Variants in CHCHD6 observed in about 807,000 individuals in gnomAD.
The protein encoded by CHCHD6 is MICOS complex subunit MIC25.
A neutral mutation model predicts 32.3 loss-of-function variants in CHCHD6; 28 were observed. The observed-to-expected ratio is 0.87, with a 90% CI of 0.64 to 1.19. CHCHD6 has a LOEUF of 1.19. Ranked by LOEUF, CHCHD6 falls within the 50% of genes most tolerant of loss-of-function variation. The pLI is 0.00. For synonymous variants in CHCHD6, 122 were observed against 117.5 expected, an observed-to-expected ratio of 1.04 and a Z score of -0.25; for missense variants, 333 against 307.0, an observed-to-expected ratio of 1.08 and a Z score of -0.63.
chr3:126,921,612 G>GGC (rs2078248668), intron 6 of CHCHD6, among the ~76,000 whole-genome samples: 2 of 152,146 alleles, frequency 1.3e-5, no homozygotes, highest in African/African-American at 4.8e-5. Flanking sequence ...CCTCAAAGAG[G>GGC]TTAGAACAAT....
At chr3:126,864,760 T>A (rs1206739822) in intron 5 of CHCHD6, among the ~76,000 whole-genome samples, 3 of 120,122 alleles carry the variant, frequency 2.5e-5, no homozygotes, top group Admixed American at 8.0e-5. Context: ...CTACTCCTCC[T>A]CCACCATCAC....
In CHCHD6 at chr3:126,957,794, C is replaced by T. The variant is rs1161351793; in HGVS notation, c.702+243C>T. 6.8e-6 allele frequency: 4 copies of T among 588,816 alleles called. No individual in the cohort carries two copies. In the East Asian group the frequency reaches 1.2e-4, roughly 17 times the overall value. The allele number at this position is 588,816 out of a possible 1,614,324, so 36.5% of individuals were successfully genotyped here. A position where few individuals can be genotyped will look rare whatever the true frequency, so the allele number is the denominator to read the frequency against. ...GGAGATGATCCCTGTTGCGTTTGCCCTATTAGGCTGGGTGGGAGCAGGCTG... is the reference window on the plus strand; with the variant it reads ...GGAGATGATCCCTGTTGCGTTTGCCTTATTAGGCTGGGTGGGAGCAGGCTG... On this transcript the variant is annotated intron_variant, in intron 7 of 7. Transcript: ENST00000290913.
intron 5 of CHCHD6, among the ~76,000 whole-genome samples, chr3:126,881,347 T>A (rs1025275578): frequency 1.3e-5 from 2 of 152,180 alleles, no homozygotes; most frequent in Admixed American, 6.5e-5. Flanking sequence ...TCCTGGTGTC[T>A]CCCCCAGTGC....
intron 6 of CHCHD6, 179 bp from the exon 7 acceptor site, chr3:126,957,237 C>T (rs760463051): frequency 2.6e-5 from 18 of 693,396 alleles, no homozygotes; most frequent in Non-Finnish European, 3.7e-5. Flanking sequence ...ACCCTGCGAC[C>T]GTCCTCTCAT....
intron 6 of CHCHD6, among the ~76,000 whole-genome samples, chr3:126,945,742 C>T (rs1238735484): frequency 6.0e-5 from 2 of 33,142 alleles, no homozygotes; most frequent in Non-Finnish European, 1.2e-4. Context: ...TGGGGAGACT[C>T]GGGGGGAGAC....
chr3:126,728,541 C>G (rs1935644659), intron 2 of CHCHD6, among the ~76,000 whole-genome samples: 1 of 152,186 alleles, frequency 6.6e-6, no homozygotes, highest in African/African-American at 2.4e-5. Flanking sequence ...CGAAAACCCT[C>G]CAAGAAGCCC....
At chr3:126,721,329 C>T (rs2107654436) in intron 1 of CHCHD6, among the ~76,000 whole-genome samples, 1 of 152,334 alleles carries the variant, frequency 6.6e-6, no homozygotes, top group African/African-American at 2.4e-5. Context: ...ACGGTCTCTT[C>T]CTGTCTGTGC....
chr3:126,710,533 C>T (rs904983128), intron 1 of CHCHD6, among the ~76,000 whole-genome samples: 1 of 152,178 alleles, frequency 6.6e-6, no homozygotes, highest in South Asian at 2.1e-4. Context: ...GGGAGAATTG[C>T]TATTTTAGCA....
intron 5 of CHCHD6, among the ~76,000 whole-genome samples, chr3:126,907,301 A>G (rs1330356183): frequency 6.6e-6 from 1 of 152,218 alleles, no homozygotes; most frequent in Non-Finnish European, 1.5e-5. Context: ...CTCCCTCTCC[A>G]GATGACAGCA....
intron 6 of CHCHD6, chr3:126,949,471 GC>G: frequency 4.8e-6 from 1 of 208,164 alleles, no homozygotes; most frequent in Non-Finnish European, 9.7e-6. Context: ...AGGGAAGGCT[GC>G]CCAGAGGTCT....
intron 4 of CHCHD6, among the ~76,000 whole-genome samples, chr3:126,737,091 T>C (rs575316113): frequency 6.6e-6 from 1 of 152,036 alleles, no homozygotes; most frequent in South Asian, 2.1e-4. Context: ...GAGGCTAAGG[T>C]GGGTGGATCA....
Position 126,784,639 on chromosome 3 carries a change from CTT to C in CHCHD6, c.411+51420_411+51421del, listed in dbSNP as rs572157425. On this transcript the variant is annotated intron_variant, in intron 4 of 7. Transcript: ENST00000290913. ...GCCCCATATAATTTTCCCACAGAAA[CTT>C]TTCACACCTTTCCCTGTTCAGGCAT... Among the ~76,000 whole-genome samples the C allele has an allele frequency of 1.4e-3, 220 of 152,296 alleles. 5 individuals carry two copies. In the South Asian group the frequency reaches 0.045, roughly 31 times the overall value.
At chr3:126,899,855 G>A (rs941278778) in intron 5 of CHCHD6, among the ~76,000 whole-genome samples, 5 of 152,138 alleles carry the variant, frequency 3.3e-5, no homozygotes, top group South Asian at 2.1e-4. Context: ...CAAATTTGTG[G>A]TGACCTCATC....
chr3:126,908,610 A>G (rs72980886), intron 5 of CHCHD6, among the ~76,000 whole-genome samples: 4,718 of 152,158 alleles, frequency 0.031, 160 homozygotes, highest in East Asian at 0.16. Context: ...AGTGAACAAA[A>G]CAAGCTAAAG....
At chr3:126,748,333 G>A (rs533535045) in intron 4 of CHCHD6, among the ~76,000 whole-genome samples, 2 of 152,226 alleles carry the variant, frequency 1.3e-5, no homozygotes, top group East Asian at 1.9e-4. Flanking sequence ...AGTGGCTCAC[G>A]CCTGTAATCC....
At chr3:126,909,661 G>A (rs924919036) in intron 5 of CHCHD6, among the ~76,000 whole-genome samples, 3 of 152,178 alleles carry the variant, frequency 2.0e-5, no homozygotes, top group Non-Finnish European at 4.4e-5. Flanking sequence ...GGGGCAGCTG[G>A]AGGAGGAGGA....
At chr3:126,896,779 G>A (rs889921021) in intron 5 of CHCHD6, among the ~76,000 whole-genome samples, 3 of 152,130 alleles carry the variant, frequency 2.0e-5, no homozygotes, top group Admixed American at 6.5e-5. Context: ...GCAGACCCTC[G>A]AAGGGGATAT....
chr3:126,841,796 T>C (rs529679187), intron 4 of CHCHD6, among the ~76,000 whole-genome samples: 15 of 152,216 alleles, frequency 9.9e-5, no homozygotes, highest in African/African-American at 3.6e-4. Context: ...GTGCCTGTGA[T>C]CCCAGCTACT....
intron 6 of CHCHD6, among the ~76,000 whole-genome samples, chr3:126,940,433 T>G (rs561556405): frequency 6.6e-6 from 1 of 152,358 alleles, no homozygotes; most frequent in African/African-American, 2.4e-5. Context: ...TACCAGAATT[T>G]ATGTAACCAA....
Sources: gnomAD v4.1 joint callset for allele counts (sites outside exome capture counted in the v4.1 genomes callset) on GRCh38, gnomAD v4.1.1 for gene constraint, MANE v1.5 for transcripts, NCBI Gene and HGNC (gene_info 2026-07-23, HGNC 2026-07-21) for gene names.